Variants in CSMD2 observed in about 807,000 individuals in gnomAD.
The protein encoded by CSMD2 is CUB and sushi domain-containing protein 2.
In CSMD2, 130 loss-of-function variants were observed where a neutral mutation model predicts 398.5. That is an observed-to-expected ratio of 0.33 (90% CI 0.28 to 0.38). CSMD2 has a LOEUF of 0.38. CSMD2 is among the 10% of genes least tolerant of loss of function. CSMD2 has a pLI of 1.00. For synonymous variants in CSMD2, 1,828 were observed against 1,908.5 expected, an observed-to-expected ratio of 0.96 and a Z score of 1.10; for missense variants, 3,829 against 4,764.9, an observed-to-expected ratio of 0.80 and a Z score of 5.78.
intron 41 of CSMD2, among the ~76,000 whole-genome samples, chr1:33,609,608 C>T (rs1363669831): frequency 6.6e-6 from 1 of 151,988 alleles, no homozygotes; most frequent in Admixed American, 6.6e-5. Flanking sequence ...GTTTTAATTT[C>T]TTTCTTGTAT....
At chr1:34,134,044 C>A (rs1233138075) in intron 1 of CSMD2, among the ~76,000 whole-genome samples, 2 of 96,362 alleles carry the variant, frequency 2.1e-5, no homozygotes, top group Non-Finnish European at 3.8e-5. Context: ...CAGAGTGAGA[C>A]TCTGTCTCAA....
At chr1:34,143,495 C>T (rs1374442690) in intron 1 of CSMD2, among the ~76,000 whole-genome samples, 1 of 152,176 alleles carries the variant, frequency 6.6e-6, no homozygotes, top group Non-Finnish European at 1.5e-5. Context: ...ATGCTCACCA[C>T]ATTGCTTTTA....
intron 19 of CSMD2, 47 bp downstream of exon 19, chr1:33,724,150 C>G: frequency 3.6e-6 from 5 of 1,399,620 alleles, no homozygotes; most frequent in Non-Finnish European, 4.1e-6. Flanking sequence ...AACTTGGGTC[C>G]CTGACCTCGT....
chr1:33,787,888 GCCA>G (rs1653728432), intron 12 of CSMD2, among the ~76,000 whole-genome samples: 1 of 152,108 alleles, frequency 6.6e-6, no homozygotes, highest in African/African-American at 2.4e-5. Flanking sequence ...TCTTTCTCAG[GCCA>G]CCAACAGTGG....
At chr1:34,013,760 A>T (rs540929526) in intron 3 of CSMD2, among the ~76,000 whole-genome samples, 11 of 151,994 alleles carry the variant, frequency 7.2e-5, no homozygotes, top group Non-Finnish European at 1.6e-4. Flanking sequence ...GAGTAAAGAG[A>T]ATCCCTCTTT....
chr1:34,165,727 C>G (rs1365940421), upstream of CSMD2: 13 of 1,612,584 alleles, frequency 8.1e-6, no homozygotes, highest in Non-Finnish European at 1.1e-5. Context: ...AGGACGCGTT[C>G]CCCAAGTCTT....
intron 2 of CSMD2, among the ~76,000 whole-genome samples, chr1:34,072,690 C>T: frequency 6.6e-6 from 1 of 152,116 alleles, no homozygotes; most frequent in Non-Finnish European, 1.5e-5. Flanking sequence ...GAGGCTTTGC[C>T]ACAAATATTG....
chr1:34,019,710 C>T (rs1010570157), intron 3 of CSMD2, among the ~76,000 whole-genome samples: 4 of 152,168 alleles, frequency 2.6e-5, no homozygotes, highest in African/African-American at 9.7e-5. Flanking sequence ...CACTTCCCTG[C>T]CTAAGACCCT....
At chr1:34,109,253 G>A (rs763914701) in intron 1 of CSMD2, among the ~76,000 whole-genome samples, 11 of 152,204 alleles carry the variant, frequency 7.2e-5, no homozygotes, top group Non-Finnish European at 1.2e-4. Flanking sequence ...TAAAGGAAAG[G>A]GTTTTGTGTT....
chr1:33,948,394 A>T (rs1228806840), intron 3 of CSMD2, among the ~76,000 whole-genome samples: 3 of 152,100 alleles, frequency 2.0e-5, no homozygotes, highest in Admixed American at 1.3e-4. Flanking sequence ...ACACACTCAC[A>T]CTCAACATGC....
intron 12 of CSMD2, among the ~76,000 whole-genome samples, chr1:33,775,394 T>C (rs114515477): frequency 0.013 from 1,915 of 152,302 alleles, 34 homozygotes; most frequent in African/African-American, 0.044. Context: ...TTAAGTGTTA[T>C]TTATCTTAAT....
At position 33,636,965 on chromosome 1, in the gene CSMD2, GC is replaced by G. The variant is rs1642844279; in HGVS notation, c.4775-412del. Among the ~76,000 whole-genome samples, 1 of 152,184 alleles carries G rather than the reference GC, an allele frequency of 6.6e-6. No homozygotes were observed. Among genetic ancestry groups the G allele is most frequent in the Non-Finnish European group, 1.5e-5 (1 of 68,040 alleles). ...TGGTAAAGGTCAGTGCTTAGGTACA[GC>G]CCATCACTTTACTCATCTTTGACCC... On this transcript the variant is annotated intron_variant, in intron 29 of 70. Coordinates refer to ENST00000373381, the MANE Select transcript of CSMD2 (RefSeq NM_001281956.2). This position sits in a 1 kb window ranked among gnomAD's most constrained non-coding sequence, Gnocchi z 4.8.
At chr1:33,552,310 C>A (rs1047235978) in intron 55 of CSMD2, among the ~76,000 whole-genome samples, 1 of 152,120 alleles carries the variant, frequency 6.6e-6, no homozygotes, top group African/African-American at 2.4e-5. Context: ...CTGGTAGAAA[C>A]GGAAAATGGT....
chr1:33,830,128 C>T lies in CSMD2; in HGVS notation c.1034-4354G>A, dbSNP rs1243449706. Among the ~76,000 whole-genome samples the T allele has an allele frequency of 7.9e-5, 12 of 152,162 alleles. 1 individual carries two copies. Among genetic ancestry groups the T allele is most frequent in the Admixed American group, 3.3e-4 (5 of 15,284 alleles). On this transcript the variant is annotated intron_variant, in intron 6 of 70. Coordinates refer to ENST00000373381, the MANE Select transcript of CSMD2 (RefSeq NM_001281956.2). ...GCAGTAACCTCTGCAGACTTAAATG[C>T]CCCCATCTGACAGCTTTGAAGAGAG... is the stretch of plus-strand genomic sequence containing the variant.
At chr1:34,021,122 A>T (rs1258257033) in intron 3 of CSMD2, among the ~76,000 whole-genome samples, 1 of 152,204 alleles carries the variant, frequency 6.6e-6, no homozygotes, top group Non-Finnish European at 1.5e-5. Flanking sequence ...AATCCAAAAC[A>T]GTGGTTAATC....
At chr1:33,693,920 G>A (rs1207327977) in intron 24 of CSMD2, among the ~76,000 whole-genome samples, 3 of 152,026 alleles carry the variant, frequency 2.0e-5, no homozygotes, top group African/African-American at 7.2e-5. Context: ...TTAGCCAGGC[G>A]TGGTGGTACA....
chr1:33,725,717 A>G (rs897980622), intron 16 of CSMD2, among the ~76,000 whole-genome samples, 181 bp from the exon 17 acceptor site: 1 of 151,918 alleles, frequency 6.6e-6, no homozygotes, highest in East Asian at 1.9e-4. Context: ...TCTATTTAAC[A>G]TCCCTCCTCC....
chr1:34,153,657 C>A (rs1301461124), intron 1 of CSMD2, among the ~76,000 whole-genome samples: 2 of 152,198 alleles, frequency 1.3e-5, no homozygotes, highest in African/African-American at 4.8e-5. Flanking sequence ...AGCATCCATC[C>A]ATTAAATTGT....
At chr1:33,904,470 C>T (rs1642956545) in intron 5 of CSMD2, among the ~76,000 whole-genome samples, 1 of 152,142 alleles carries the variant, frequency 6.6e-6, no homozygotes, top group East Asian at 1.9e-4. Flanking sequence ...ATCTCCTTGT[C>T]GCTACTGTTC....
Sources: gnomAD v4.1 joint callset for allele counts (sites outside exome capture counted in the v4.1 genomes callset) on GRCh38, gnomAD v4.1.1 for gene constraint, Gnocchi (gnomAD v3.1) non-coding constraint, MANE v1.5 for transcripts, NCBI Gene and HGNC (gene_info 2026-07-23, HGNC 2026-07-21) for gene names.